The following NRXN1 variants were observed in gnomAD, a reference collection of about 807,000 sequenced individuals.
The protein encoded by NRXN1 is neurexin 1, also known as neurexin-1.
In NRXN1, 39 loss-of-function variants were observed where a neutral mutation model predicts 150.9. The ratio of observed to expected loss-of-function variants is 0.26; its 90% CI spans 0.20 to 0.34. NRXN1 has a LOEUF of 0.34. Among genes scored for constraint, NRXN1 ranks in the 10% least tolerant of loss-of-function variants. NRXN1 has a pLI of 1.00. For missense variants in NRXN1, 1,815 were observed against 1,949.9 expected (o/e 0.93, Z 1.30); for synonymous variants, 924 against 757.0 (o/e 1.22, Z -3.62).
At chr2:50,877,516 CTTCT>C (rs901871832) in intron 5 of NRXN1, among the ~76,000 whole-genome samples, 18 of 151,922 alleles carry the variant, frequency 1.2e-4, no homozygotes, top group Admixed American at 1.1e-3. Context: ...AAAGTGATTC[CTTCT>C]TTCTTTGAGT....
intron 2 of NRXN1, among the ~76,000 whole-genome samples, chr2:50,940,921 T>C (rs995359280): frequency 6.6e-5 from 10 of 152,094 alleles, no homozygotes; most frequent in Non-Finnish European, 1.0e-4. Flanking sequence ...GAGATAGAGA[T>C]GTATTGCTAT....
chr2:50,681,189 C>T (rs536527968), intron 5 of NRXN1, among the ~76,000 whole-genome samples: 1 of 152,262 alleles, frequency 6.6e-6, no homozygotes, highest in South Asian at 2.1e-4. Flanking sequence ...CTATTGGCCC[C>T]ACCTTAGGTG....
chr2:50,439,224 G>A (rs1418035747), intron 17 of NRXN1, among the ~76,000 whole-genome samples: 1 of 152,230 alleles, frequency 6.6e-6, no homozygotes, highest in East Asian at 1.9e-4. Flanking sequence ...TGGGTAGTAT[G>A]TTTAGTAGAT....
chr2:50,237,894 C>G (rs114317266), intron 17 of NRXN1, among the ~76,000 whole-genome samples: 9 of 151,806 alleles, frequency 5.9e-5, no homozygotes, highest in Admixed American at 5.3e-4. Context: ...GTGGCTTTGC[C>G]CATGCTGTTC....
At chr2:50,522,933 CAT>C (rs1179826792) in intron 12 of NRXN1, among the ~76,000 whole-genome samples, 1 of 151,246 alleles carries the variant, frequency 6.6e-6, no homozygotes, top group Non-Finnish European at 1.5e-5. Context: ...GGGGTTTCAC[CAT>C]GCTGGTCAGG....
intron 5 of NRXN1, among the ~76,000 whole-genome samples, chr2:50,709,735 G>A (rs946304032): frequency 6.6e-6 from 1 of 152,130 alleles, no homozygotes. Context: ...AGTGAGGACT[G>A]TTGTTCTATG....
intron 5 of NRXN1, among the ~76,000 whole-genome samples, chr2:50,792,054 C>G (rs1406689695): frequency 6.6e-6 from 1 of 152,020 alleles, no homozygotes; most frequent in East Asian, 1.9e-4. Flanking sequence ...AATTTCCTAA[C>G]ATATAAATAA....
At position 50,215,146 on chromosome 2, in the gene NRXN1, T is replaced by A. The variant is rs113138873; in HGVS notation, c.3546+21643A>T. Among the ~76,000 whole-genome samples the A allele has an allele frequency of 1.2e-3, 182 of 152,142 alleles. 2 individuals carry two copies. Among genetic ancestry groups the A allele is most frequent in the African/African-American group, 4.2e-3 (173 of 41,554 alleles). On this transcript the variant is annotated intron_variant, in intron 18 of 22. Coordinates refer to ENST00000401669, the MANE Select transcript of NRXN1 (RefSeq NM_001330078.2). ...GATACAGACTTCCTTTACGTTTTCT[T>A]ATAATGGCATTAATGCCCCTTTACA...
chr2:50,370,268 C>T (rs895971127), intron 17 of NRXN1, among the ~76,000 whole-genome samples: 1 of 151,972 alleles, frequency 6.6e-6, no homozygotes, highest in Admixed American at 6.6e-5. Flanking sequence ...CAAAATGCAG[C>T]CTGCCAGCCA....
intron 8 of NRXN1, among the ~76,000 whole-genome samples, chr2:50,570,732 C>A (rs1670543916): frequency 6.8e-6 from 1 of 146,310 alleles, no homozygotes; most frequent in East Asian, 1.9e-4. Context: ...TATAACATGG[C>A]AGTCATGTTA....
intron 18 of NRXN1, among the ~76,000 whole-genome samples, chr2:50,183,936 T>C (rs376937638): frequency 2.9e-4 from 44 of 151,974 alleles, no homozygotes; most frequent in African/African-American, 1.1e-3. Flanking sequence ...AACAACAGAG[T>C]AAAACTCCTT....
chr2:49,970,367 T>G, intron 21 of NRXN1: 1 of 152,090 alleles, frequency 6.6e-6, no homozygotes, highest in East Asian at 1.9e-4. Context: ...TACACATAGT[T>G]TATGATGCAA....
intron 17 of NRXN1, among the ~76,000 whole-genome samples, chr2:50,311,111 A>G (rs1239508408): frequency 6.6e-6 from 1 of 152,118 alleles, no homozygotes; most frequent in Admixed American, 6.6e-5. Flanking sequence ...TAAGAAGAGT[A>G]ATGCTATCTA....
chr2:50,763,453 C>T (rs1702042895), intron 5 of NRXN1, among the ~76,000 whole-genome samples: 1 of 151,930 alleles, frequency 6.6e-6, no homozygotes, highest in Admixed American at 6.6e-5. Context: ...TTAATTAATG[C>T]CTAATACTAG....
chr2:50,177,437 T>C (rs2060419828), intron 18 of NRXN1, among the ~76,000 whole-genome samples: 1 of 152,060 alleles, frequency 6.6e-6, no homozygotes, highest in African/African-American at 2.4e-5. Flanking sequence ...CTGTCCCATT[T>C]CTATAATATA....
intron 5 of NRXN1, chr2:50,912,896 T>C (rs758497105): frequency 2.0e-5 from 3 of 151,806 alleles, no homozygotes; most frequent in Non-Finnish European, 4.4e-5. Context: ...AGTCTAGGTG[T>C]TGGCTTTCTT....
intron 15 of NRXN1, among the ~76,000 whole-genome samples, chr2:50,476,065 C>T (rs1386285013): frequency 1.3e-5 from 2 of 151,982 alleles, no homozygotes; most frequent in Non-Finnish European, 2.9e-5. Flanking sequence ...ATTTTTAATT[C>T]ATATGTTTTA....
Position 50,346,947 on chromosome 2 carries a change from C to T in NRXN1, c.3365-109977G>A, listed in dbSNP as rs1057517946. 2 of 1,370,104 alleles carry T rather than the reference C, an allele frequency of 1.5e-6. No individual in the cohort carries two copies. The highest frequency in any genetic ancestry group is 3.1e-5 in the African/African-American group (2 of 64,156). 84.9% of individuals were successfully genotyped at this position (1,370,104 alleles called of 1,614,324 possible). On this transcript the variant is annotated intron_variant, in intron 17 of 22. Transcript: ENST00000401669. The surrounding 1 kb of genome is among the most constrained non-coding windows in gnomAD (Gnocchi z 5.0). ...CGCCGCACCGGAGCATCCTCTGGTACATGGCGGGGCGCCCGCCGAGGGGCA... is the reference window on the plus strand; with the variant it reads ...CGCCGCACCGGAGCATCCTCTGGTATATGGCGGGGCGCCCGCCGAGGGGCA...
At chr2:50,252,694 T>C (rs892558953) in intron 17 of NRXN1, among the ~76,000 whole-genome samples, 1 of 152,144 alleles carries the variant, frequency 6.6e-6, no homozygotes, top group Non-Finnish European at 1.5e-5. Context: ...CCCCATTGCA[T>C]CTTTTTGTCA....
Sources: gnomAD v4.1 joint callset for allele counts (sites outside exome capture counted in the v4.1 genomes callset) on GRCh38, gnomAD v4.1.1 for gene constraint, Gnocchi (gnomAD v3.1) non-coding constraint, MANE v1.5 for transcripts, NCBI Gene and HGNC (gene_info 2026-07-23, HGNC 2026-07-21) for gene names.